DLGAP2: variants seen among roughly 807,000 people sequenced by gnomAD.
DLGAP2 encodes the protein DLG associated protein 2.
Under a neutral mutation model 100.3 loss-of-function variants are expected in DLGAP2, and 26 were observed. The ratio of observed to expected loss-of-function variants is 0.26; its 90% confidence interval spans 0.19 to 0.36. DLGAP2 has a LOEUF of 0.36. Among genes scored for constraint, DLGAP2 ranks in the 10% least tolerant of loss-of-function variants. DLGAP2 has a pLI of 1.00. For missense variants in DLGAP2, 1,858 were observed against 1,453.2 expected (o/e 1.28, Z -4.53); for synonymous variants, 886 against 630.1 (o/e 1.41, Z -6.08).
At chr8:973,022 A>G (rs1052136231) in intron 2 of DLGAP2, among the ~76,000 whole-genome samples, 49 of 152,252 alleles carry the variant, frequency 3.2e-4, no homozygotes, top group African/African-American at 1.1e-3. Flanking sequence ...ACTTCTTTCT[A>G]CACAGACACA....
intron 2 of DLGAP2, among the ~76,000 whole-genome samples, chr8:1,162,629 T>G (rs550662952): frequency 6.6e-6 from 1 of 152,362 alleles, no homozygotes; most frequent in East Asian, 1.9e-4. Context: ...AGTTCCATCT[T>G]AGGGCTTAGA....
At chr8:942,314 C>G (rs984350103) in intron 2 of DLGAP2, among the ~76,000 whole-genome samples, 4 of 152,220 alleles carry the variant, frequency 2.6e-5, no homozygotes, top group African/African-American at 9.7e-5. Context: ...ATTTATTCTT[C>G]CCACTTCAGG....
intron 2 of DLGAP2, among the ~76,000 whole-genome samples, chr8:1,093,351 ACACCAACAGCCAGAAACACC>A (rs1259520677): frequency 2.2e-5 from 3 of 135,618 alleles, no homozygotes; most frequent in African/African-American, 1.2e-4. Context: ...AAACACCTTC[ACACCAACAGCCAGAAACACC>A]TTCACACCAA....
At chr8:946,452 A>G (rs566047935) in intron 2 of DLGAP2, among the ~76,000 whole-genome samples, 271 of 151,420 alleles carry the variant, frequency 1.8e-3, no homozygotes, top group Non-Finnish European at 2.7e-3. Context: ...TTTTGTAGAG[A>G]CGGGGTTTCA....
At chr8:1,021,317 C>T (rs1347183561) in intron 2 of DLGAP2, among the ~76,000 whole-genome samples, 1 of 152,102 alleles carries the variant, frequency 6.6e-6, no homozygotes, top group Non-Finnish European at 1.5e-5. Flanking sequence ...TTGGAAAGTG[C>T]TCAGAGAGAA....
At chr8:1,613,734 G>C (rs976690490) in intron 6 of DLGAP2, among the ~76,000 whole-genome samples, 1 of 151,880 alleles carries the variant, frequency 6.6e-6, no homozygotes, top group Non-Finnish European at 1.5e-5. Context: ...GCCCTTTTTC[G>C]AGAACCTGTT....
At chr8:975,451 T>C (rs1800138253) in intron 2 of DLGAP2, among the ~76,000 whole-genome samples, 1 of 152,138 alleles carries the variant, frequency 6.6e-6, no homozygotes, top group Non-Finnish European at 1.5e-5. Context: ...AAAGAAAGGA[T>C]CACTGCAGAC....
chr8:756,800 C>T (rs182079102), intron 1 of DLGAP2, among the ~76,000 whole-genome samples: 17 of 152,252 alleles, frequency 1.1e-4, no homozygotes, highest in East Asian at 1.9e-4. Flanking sequence ...GCAGATCTCC[C>T]GCCTCCGGTC....
At chr8:1,517,285 C>T (rs550475679) in intron 4 of DLGAP2, among the ~76,000 whole-genome samples, 2 of 152,054 alleles carry the variant, frequency 1.3e-5, no homozygotes. Context: ...GAAAAAGGAC[C>T]CTGAAGAGTT....
At chr8:1,041,340 A>G (rs1477971121) in intron 2 of DLGAP2, among the ~76,000 whole-genome samples, 1 of 151,976 alleles carries the variant, frequency 6.6e-6, no homozygotes, top group Non-Finnish European at 1.5e-5. Flanking sequence ...TTTTCTTTGG[A>G]GTTGGCAGCT....
chr8:956,885 T>C (rs1002451131), intron 2 of DLGAP2, among the ~76,000 whole-genome samples: 1 of 152,254 alleles, frequency 6.6e-6, no homozygotes, highest in African/African-American at 2.4e-5. Context: ...TGTCATTTCT[T>C]ATACATTTCC....
At chr8:1,375,075 A>G in intron 3 of DLGAP2, among the ~76,000 whole-genome samples, 1 of 149,936 alleles carries the variant, frequency 6.7e-6, no homozygotes, top group African/African-American at 2.5e-5. Context: ...TCTTAACATC[A>G]CCTCTCCACG....
intron 6 of DLGAP2, among the ~76,000 whole-genome samples, chr8:1,588,588 G>T (rs909156895): frequency 6.6e-6 from 1 of 152,002 alleles, no homozygotes; most frequent in East Asian, 1.9e-4. Context: ...TAAATAATAT[G>T]TGTACAGACT....
intron 1 of DLGAP2, among the ~76,000 whole-genome samples, chr8:797,168 G>A (rs556905885): frequency 1.3e-5 from 2 of 152,250 alleles, no homozygotes; most frequent in East Asian, 3.9e-4. Context: ...CACCCAAGAA[G>A]AAGACGTCCC....
intron 2 of DLGAP2, among the ~76,000 whole-genome samples, chr8:1,245,120 C>T (rs964247763): frequency 1.3e-5 from 2 of 152,224 alleles, no homozygotes; most frequent in African/African-American, 4.8e-5. Context: ...CCTGGAGAAA[C>T]TGGAACCTTC....
At chr8:1,140,261 C>T (rs558951799) in intron 2 of DLGAP2, among the ~76,000 whole-genome samples, 6 of 152,118 alleles carry the variant, frequency 3.9e-5, no homozygotes, top group East Asian at 1.9e-4. Context: ...GAAGTGTTGC[C>T]GGGTGGGTGA....
At chr8:1,533,225 G>A (rs1005793083) in intron 4 of DLGAP2, among the ~76,000 whole-genome samples, 4 of 152,034 alleles carry the variant, frequency 2.6e-5, no homozygotes, top group African/African-American at 7.2e-5. Flanking sequence ...TCAACCGGGC[G>A]CAGTGGCTCA....
intron 2 of DLGAP2, among the ~76,000 whole-genome samples, chr8:1,058,136 G>A (rs1802938825): frequency 6.6e-6 from 1 of 152,198 alleles, no homozygotes; most frequent in African/African-American, 2.4e-5. Flanking sequence ...CCCACAGGGG[G>A]CTTGGCTGGA....
Position 1,274,404 on chromosome 8 carries a change from A to G in DLGAP2, c.106+15521A>G, listed in dbSNP as rs567315713. On this transcript the variant is annotated intron_variant, in intron 3 of 14. Coordinates refer to ENST00000637795, the MANE Select transcript of DLGAP2 (RefSeq NM_001346810.2). ...GCCAACATGTATAAGAATATAAACC[A>G]TAAAATGAGTGACTTTGGATTTGTT... is the stretch of plus-strand genomic sequence containing the variant. Among the ~76,000 whole-genome samples the G allele has an allele frequency of 5.3e-5, 8 of 151,002 alleles. No individual in the cohort carries two copies. The South Asian group carries it at 1.7e-3, about 32-fold the overall frequency.
Sources: allele counts gnomAD v4.1 joint callset (sites outside exome capture counted in the v4.1 genomes callset), GRCh38; gene constraint gnomAD v4.1.1; transcripts MANE v1.5; gene names NCBI Gene and HGNC (gene_info 2026-07-23, HGNC 2026-07-21).